TYR: variants seen among roughly 807,000 people sequenced by gnomAD.
TYR encodes the protein tyrosinase, also known as LB24-AB.
A neutral mutation model predicts 51.5 loss-of-function variants in TYR; 58 were observed. The ratio of observed to expected loss-of-function variants is 1.13; its 90% CI spans 0.91 to 1.40. TYR has a LOEUF of 1.40. Ranked by LOEUF, TYR falls within the 40% of genes most tolerant of loss-of-function variation. The pLI is 0.00. For synonymous variants in TYR, 263 were observed against 235.2 expected (o/e 1.12, Z -1.08); for missense variants, 732 against 647.4 (o/e 1.13, Z -1.42).
chr11:89,239,563 T>A (rs1944164523), intron 3 of TYR, among the ~76,000 whole-genome samples: 1 of 152,134 alleles, frequency 6.6e-6, no homozygotes, highest in African/African-American at 2.4e-5. Flanking sequence ...CTCTGATGTT[T>A]ATTATTTCCT....
chr11:89,277,188 A>G (rs1590896199), intron 3 of TYR, among the ~76,000 whole-genome samples: 1 of 151,914 alleles, frequency 6.6e-6, no homozygotes, highest in South Asian at 2.1e-4. Context: ...TAAAAATTAC[A>G]AGTTTGTTTT....
intron 3 of TYR, among the ~76,000 whole-genome samples, chr11:89,235,191 A>T (rs1944095239): frequency 6.6e-6 from 1 of 152,188 alleles, no homozygotes; most frequent in Non-Finnish European, 1.5e-5. Flanking sequence ...AATGTTGGAG[A>T]GGGTGTGGAG....
At chr11:89,274,909 T>C (rs1222375364) in intron 3 of TYR, among the ~76,000 whole-genome samples, 1 of 151,746 alleles carries the variant, frequency 6.6e-6, no homozygotes, top group Non-Finnish European at 1.5e-5. Context: ...CTTTCAGCAC[T>C]CTTAAAGTCA....
In TYR at chr11:89,211,023, G is replaced by A. The variant is rs868515342; in HGVS notation, c.1037-16800G>A. Reference sequence around the variant, plus strand: ...CTGCAAAAACACACCAAATTGTAAAGACCATCAATGCTATGAAGAAACTGC... The same window carrying A: ...CTGCAAAAACACACCAAATTGTAAAAACCATCAATGCTATGAAGAAACTGC... On this transcript the variant is annotated intron_variant, in intron 2 of 4. Coordinates refer to ENST00000263321, the MANE Select transcript of TYR (RefSeq NM_000372.5). 1.2e-4 allele frequency among the ~76,000 whole-genome samples: 19 copies of A among 152,250 alleles called. No homozygotes were observed. In the Middle Eastern group the frequency reaches 0.017, roughly 136 times the overall value.
In TYR at chr11:89,284,759, C is replaced by A. The variant is rs765098311; in HGVS notation, c.1185-14C>A. 2 of 1,610,606 alleles carry A rather than the reference C, an allele frequency of 1.2e-6. No homozygotes were observed. The highest frequency in any genetic ancestry group is 1.7e-6 in the Non-Finnish European group (2 of 1,177,600). ...CAATATGTTTCTTAGTCTGAATAAC[C>A]TTTTCCTCTGCAGTATTTTTGAGCA... On this transcript the variant is annotated splice_polypyrimidine_tract_variant and intron_variant, in intron 3 of 4. Coordinates refer to ENST00000263321, the MANE Select transcript of TYR (RefSeq NM_000372.5).
intron 2 of TYR, among the ~76,000 whole-genome samples, chr11:89,210,717 G>C (rs1296923882): frequency 6.6e-6 from 1 of 152,206 alleles, no homozygotes; most frequent in Non-Finnish European, 1.5e-5. Context: ...CAGCCAGAGA[G>C]AAAGGTTGGG....
At chr11:89,286,235 G>A (rs1220141728) in intron 4 of TYR, among the ~76,000 whole-genome samples, 2 of 151,832 alleles carry the variant, frequency 1.3e-5, no homozygotes, top group African/African-American at 4.8e-5. Context: ...AAAAGGGCAG[G>A]GGATATGCTA....
chr11:89,228,460 A>T (rs1018458290), intron 3 of TYR, among the ~76,000 whole-genome samples: 1 of 152,172 alleles, frequency 6.6e-6, no homozygotes, highest in African/African-American at 2.4e-5. Flanking sequence ...GAAAGTTGTT[A>T]AGAGCAAAGA....
chr11:89,283,743 G>A (rs1944747106), intron 3 of TYR: 2 of 151,746 alleles, frequency 1.3e-5, no homozygotes, highest in African/African-American at 4.8e-5. Flanking sequence ...ATTGTTAATG[G>A]CTCTCTATAA....
intron 3 of TYR, among the ~76,000 whole-genome samples, chr11:89,263,554 G>A (rs1405119743): frequency 6.6e-6 from 1 of 151,952 alleles, no homozygotes; most frequent in Non-Finnish European, 1.5e-5. Flanking sequence ...TGTCCACACT[G>A]GAAAGGAAAA....
chr11:89,211,121 T>A (rs1943748826), intron 2 of TYR, among the ~76,000 whole-genome samples: 2 of 152,078 alleles, frequency 1.3e-5, no homozygotes, highest in South Asian at 4.1e-4. Flanking sequence ...AATATTAACC[T>A]TAAATGTAAA....
chr11:89,228,262 T>C (rs747243772), intron 3 of TYR, among the ~76,000 whole-genome samples: 1 of 152,098 alleles, frequency 6.6e-6, no homozygotes, highest in East Asian at 1.9e-4. Context: ...TAGATCCTGG[T>C]AGAAGGTAAA....
chr11:89,292,037 G>T (rs1018483510), intron 4 of TYR, among the ~76,000 whole-genome samples: 13 of 151,836 alleles, frequency 8.6e-5, no homozygotes, highest in Non-Finnish European at 1.3e-4. Flanking sequence ...TTGGAATTAA[G>T]ACTTTTTTTT....
chr11:89,265,246 T>C (rs912756410), intron 3 of TYR, among the ~76,000 whole-genome samples: 1 of 152,024 alleles, frequency 6.6e-6, no homozygotes, highest in African/African-American at 2.4e-5. Flanking sequence ...CAAGGATATA[T>C]AAGTGGGTAG....
At chr11:89,195,374 G>A (rs1035320663) in intron 2 of TYR, among the ~76,000 whole-genome samples, 2 of 152,064 alleles carry the variant, frequency 1.3e-5, no homozygotes, top group Non-Finnish European at 2.9e-5. Context: ...TGTAATTTGT[G>A]AATTGTGTAA....
chr11:89,192,247 C>G (rs538614951), intron 2 of TYR, among the ~76,000 whole-genome samples: 4 of 152,144 alleles, frequency 2.6e-5, no homozygotes, highest in South Asian at 2.1e-4. Context: ...GTCATGAAAC[C>G]CATTTCACTC....
intron 3 of TYR, among the ~76,000 whole-genome samples, chr11:89,258,288 T>C (rs1944418641): frequency 6.6e-6 from 1 of 152,000 alleles, no homozygotes; most frequent in African/African-American, 2.4e-5. Flanking sequence ...AAAATTGTGT[T>C]TCCATATTAG....
intron 2 of TYR, among the ~76,000 whole-genome samples, chr11:89,226,008 C>A (rs1187738080): frequency 6.6e-6 from 1 of 151,800 alleles, no homozygotes; most frequent in East Asian, 1.9e-4. Flanking sequence ...AAATATAAAA[C>A]TTTAAAAATT....
At chr11:89,266,961 T>A (rs1316791168) in intron 3 of TYR, among the ~76,000 whole-genome samples, 1 of 151,922 alleles carries the variant, frequency 6.6e-6, no homozygotes, top group African/African-American at 2.4e-5. Flanking sequence ...ACAATAGGAA[T>A]GATATCCTTT....
Sources: allele counts gnomAD v4.1 joint callset (sites outside exome capture counted in the v4.1 genomes callset), GRCh38; gene constraint gnomAD v4.1.1; transcripts MANE v1.5; gene names NCBI Gene and HGNC (gene_info 2026-07-23, HGNC 2026-07-21).